The following ADAM7 variants were observed in gnomAD, a reference collection of about 807,000 sequenced individuals.
ADAM7 encodes disintegrin and metalloproteinase domain-containing protein 7.
In ADAM7, 97 loss-of-function variants were observed where a neutral mutation model predicts 102.9. The ratio of observed to expected loss-of-function variants is 0.94; its 90% CI spans 0.80 to 1.12. The LOEUF is 1.12. ADAM7 is among the 50% of genes most tolerant of loss of function. The probability of loss-of-function intolerance (pLI) is 0.00; values close to 1 mark genes in which losing one functional copy is unlikely to be tolerated. For missense variants in ADAM7, 991 were observed against 908.7 expected, an observed-to-expected ratio of 1.09 and a Z score of -1.16; for synonymous variants, 334 against 304.4, an observed-to-expected ratio of 1.10 and a Z score of -1.01.
intron 3 of ADAM7, among the ~76,000 whole-genome samples, chr8:24,459,017 A>G (rs1819142226): frequency 6.6e-6 from 1 of 151,906 alleles, no homozygotes; most frequent in Non-Finnish European, 1.5e-5. Context: ...AGATTTGTCA[A>G]ATTTTGATGA....
intron 7 of ADAM7, chr8:24,476,044 A>C: frequency 2.3e-6 from 1 of 443,982 alleles, no homozygotes; most frequent in East Asian, 7.0e-5. Flanking sequence ...AGGACTAATA[A>C]AGTTGCTGTT....
intron 3 of ADAM7, among the ~76,000 whole-genome samples, chr8:24,452,396 A>C (rs1273633437): frequency 6.8e-6 from 1 of 148,026 alleles, no homozygotes; most frequent in African/African-American, 2.5e-5. Context: ...TCCCTTTACC[A>C]TTATGTAATG....
Position 24,463,867 on chromosome 8 carries a change from T to C in ADAM7, c.234-15T>C, listed in dbSNP as rs150324699. 179 of 1,606,622 alleles carry C rather than the reference T, an allele frequency of 1.1e-4. 2 individuals carry two copies. The African/African-American group carries it at 2.0e-3, about 18-fold the overall frequency. ...GAACGAACAAATCTCACCACCTGTC[T>C]GCCCTCTTTTTCAGGGAGTTCCTAG... On this transcript the variant is annotated splice_polypyrimidine_tract_variant and intron_variant, in intron 3 of 21. Transcript: ENST00000175238.
chr8:24,455,488 G>C (rs1191432264), intron 3 of ADAM7, among the ~76,000 whole-genome samples: 2 of 152,276 alleles, frequency 1.3e-5, no homozygotes, highest in East Asian at 3.9e-4. Context: ...CTGTAGCCTT[G>C]ATCTCAACCT....
At chr8:24,493,998 C>A (rs1003018933) in intron 16 of ADAM7, among the ~76,000 whole-genome samples, 4 of 152,068 alleles carry the variant, frequency 2.6e-5, no homozygotes, top group Non-Finnish European at 5.9e-5. Flanking sequence ...CATTAGAATG[C>A]ATACTCTAAA....
intron 8 of ADAM7, among the ~76,000 whole-genome samples, chr8:24,477,749 T>C (rs1585893104): frequency 6.6e-6 from 1 of 152,150 alleles, no homozygotes; most frequent in Non-Finnish European, 1.5e-5. Context: ...TTCAATTATA[T>C]GCATATTAGA....
Position 24,509,502 on chromosome 8 carries a change from C to T in ADAM7, c.*956C>T. The T allele has an allele frequency of 1.0e-6, 1 of 983,726 alleles. No individual in the cohort carries two copies. The highest frequency in any genetic ancestry group is 1.2e-6 in the Non-Finnish European group (1 of 828,488). The allele number at this position is 983,726 out of a possible 1,614,324, so 60.9% of individuals were successfully genotyped here. A position where few individuals can be genotyped will look rare whatever the true frequency, so the allele number is the denominator to read the frequency against. On this transcript the variant is annotated 3_prime_UTR_variant, in exon 22 of 22. Transcript: ENST00000175238. ...TTTCCATTTACTGAAATAAAGTTTT[C>T]AAGTTCTAAATAAAAATATTCTGAC...
intron 8 of ADAM7, among the ~76,000 whole-genome samples, chr8:24,480,868 C>T (rs145836709): frequency 2.0e-5 from 3 of 151,972 alleles, no homozygotes; most frequent in East Asian, 1.9e-4. Context: ...ACTGAGACAT[C>T]GTCCCAACAA....
At chr8:24,460,043 T>C (rs1433127623) in intron 3 of ADAM7, among the ~76,000 whole-genome samples, 1 of 152,124 alleles carries the variant, frequency 6.6e-6, no homozygotes, top group Non-Finnish European at 1.5e-5. Flanking sequence ...TGAATTATTT[T>C]AGAGCATGTT....
intron 20 of ADAM7, among the ~76,000 whole-genome samples, chr8:24,503,963 C>T (rs893728946): frequency 2.0e-5 from 3 of 151,612 alleles, no homozygotes; most frequent in South Asian, 2.1e-4. Context: ...CACCATGCCA[C>T]GTGTATACCT....
chr8:24,452,580 C>T (rs921314558), intron 3 of ADAM7, among the ~76,000 whole-genome samples: 1 of 151,286 alleles, frequency 6.6e-6, no homozygotes, highest in Non-Finnish European at 1.5e-5. Flanking sequence ...ATACAGCACA[C>T]TGATGGGTCT....
At chr8:24,508,200 G>A (rs1262737388) in intron 21 of ADAM7, among the ~76,000 whole-genome samples, 2 of 151,870 alleles carry the variant, frequency 1.3e-5, no homozygotes, top group Non-Finnish European at 2.9e-5. Context: ...AAGATACACC[G>A]CCCACCTCCA....
intron 15 of ADAM7, 122 bp downstream of exon 15, chr8:24,492,719 G>A (rs1427589679): frequency 3.0e-6 from 2 of 667,134 alleles, no homozygotes; most frequent in African/African-American, 3.7e-5. Flanking sequence ...AGGGAAATAA[G>A]AAGGAAATCT....
chr8:24,483,147 T>G (rs543483285), intron 9 of ADAM7, among the ~76,000 whole-genome samples: 6 of 152,310 alleles, frequency 3.9e-5, no homozygotes, highest in South Asian at 4.1e-4. Flanking sequence ...AGCGTGACTT[T>G]GTCTAGACCA....
chr8:24,484,548 T>C (rs1349347698), intron 9 of ADAM7, among the ~76,000 whole-genome samples: 1 of 152,186 alleles, frequency 6.6e-6, no homozygotes, highest in East Asian at 1.9e-4. Context: ...CTATGGTTGA[T>C]TAAAAGTCTT....
chr8:24,501,802 G>T (rs956861168), intron 20 of ADAM7, among the ~76,000 whole-genome samples: 1 of 152,000 alleles, frequency 6.6e-6, no homozygotes, highest in Admixed American at 6.6e-5. Flanking sequence ...TATCAGAGCA[G>T]AATATATTGG....
In ADAM7 at chr8:24,501,161, T is replaced by C. The variant is rs144086479; in HGVS notation, c.2108+266T>C. Among the ~76,000 whole-genome samples, 526 of 152,306 alleles carry C rather than the reference T, an allele frequency of 3.5e-3. 2 individuals are homozygous for C. The highest frequency in any genetic ancestry group is 0.011 in the Admixed American group (173 of 15,286). On this transcript the variant is annotated intron_variant, in intron 19 of 21. Transcript: ENST00000175238. Reference sequence around the variant, plus strand: ...GAAGACATTGTGATTTAATTGTTATTGGGTATGACTTGAGCATTAGTATTT... The same window carrying C: ...GAAGACATTGTGATTTAATTGTTATCGGGTATGACTTGAGCATTAGTATTT...
At chr8:24,460,539 G>T (rs1013204770) in intron 3 of ADAM7, among the ~76,000 whole-genome samples, 1 of 151,420 alleles carries the variant, frequency 6.6e-6, no homozygotes, top group Non-Finnish European at 1.5e-5. Flanking sequence ...TCTTAACTTT[G>T]TAACAATGAC....
chr8:24,502,425 G>C (rs1397354389), intron 20 of ADAM7, among the ~76,000 whole-genome samples: 1 of 151,910 alleles, frequency 6.6e-6, no homozygotes, highest in Non-Finnish European at 1.5e-5. Context: ...ATATCAGATT[G>C]ATCACTAATG....
Sources: gnomAD v4.1 joint callset for allele counts (sites outside exome capture counted in the v4.1 genomes callset) on GRCh38, gnomAD v4.1.1 for gene constraint, MANE v1.5 for transcripts, NCBI Gene and HGNC (gene_info 2026-07-23, HGNC 2026-07-21) for gene names.